The following IQCK variants were observed in gnomAD, a reference collection of about 807,000 sequenced individuals.
IQCK encodes IQ motif containing K.
Under a neutral mutation model 28.1 loss-of-function variants are expected in IQCK, and 29 were observed. The observed-to-expected ratio is 1.03, with a 90% confidence interval of 0.77 to 1.41. The LOEUF (loss-of-function observed/expected upper bound fraction) is 1.41, where lower values mean the gene tolerates loss of function less well. Among genes scored for constraint, IQCK ranks in the 40% most tolerant of loss-of-function variants. The pLI is 0.00. For synonymous variants in IQCK, 113 were observed against 115.1 expected (o/e 0.98, Z 0.12); for missense variants, 359 against 314.7 (o/e 1.14, Z -1.07).
At chr16:19,814,200 A>T (rs1348729649) in intron 7 of IQCK, among the ~76,000 whole-genome samples, 1 of 147,596 alleles carries the variant, frequency 6.8e-6, no homozygotes, top group Non-Finnish European at 1.5e-5. Flanking sequence ...AGCCTGGGCA[A>T]CAAGAGCAAA....
intron 9 of IQCK, among the ~76,000 whole-genome samples, chr16:19,846,698 A>G (rs2056418528): frequency 6.6e-6 from 1 of 152,236 alleles, no homozygotes; most frequent in African/African-American, 2.4e-5. Flanking sequence ...GGTACTGTCA[A>G]GAAATGGAGG....
intron 6 of IQCK, among the ~76,000 whole-genome samples, chr16:19,782,674 T>A (rs1323390915): frequency 6.6e-6 from 1 of 152,098 alleles, no homozygotes; most frequent in African/African-American, 2.4e-5. Context: ...GAATTTTGAT[T>A]CCAAAATTTC....
chr16:19,784,855 G>A (rs2055540882), intron 6 of IQCK, among the ~76,000 whole-genome samples: 1 of 152,180 alleles, frequency 6.6e-6, no homozygotes, highest in Admixed American at 6.5e-5. Flanking sequence ...TGCAACCTCT[G>A]CCTCACAGGT....
intron 7 of IQCK, among the ~76,000 whole-genome samples, chr16:19,805,790 T>C (rs941703709): frequency 6.6e-6 from 1 of 151,420 alleles, no homozygotes; most frequent in Admixed American, 6.6e-5. Context: ...CCATGCCACA[T>C]GGGAGACAGA....
intron 6 of IQCK, among the ~76,000 whole-genome samples, chr16:19,775,292 G>A (rs2055375965): frequency 6.6e-6 from 1 of 151,552 alleles, no homozygotes; most frequent in African/African-American, 2.4e-5. Context: ...TACTCTAGAG[G>A]TAACGCATAA....
At chr16:19,853,818 G>A (rs575676496) in intron 9 of IQCK, among the ~76,000 whole-genome samples, 17 of 152,280 alleles carry the variant, frequency 1.1e-4, no homozygotes, top group African/African-American at 3.6e-4. Context: ...TTAGTAGACA[G>A]GGTTTCACCA....
intron 4 of IQCK, chr16:19,761,315 C>A (rs1216037171): frequency 2.3e-6 from 1 of 436,474 alleles, no homozygotes; most frequent in Non-Finnish European, 4.5e-6. Flanking sequence ...TTCTTTTTTT[C>A]CCTCCTTCAT....
intron 6 of IQCK, among the ~76,000 whole-genome samples, chr16:19,785,605 G>C (rs1460208973): frequency 6.6e-6 from 1 of 152,176 alleles, no homozygotes; most frequent in Non-Finnish European, 1.5e-5. Context: ...ATTGCGGGCC[G>C]AGTCTTTGTT....
chr16:19,773,955 G>A (rs1009048891), intron 6 of IQCK, among the ~76,000 whole-genome samples: 1 of 152,190 alleles, frequency 6.6e-6, no homozygotes, highest in Non-Finnish European at 1.5e-5. Flanking sequence ...CAGAGGGATG[G>A]TAGGGGTCAC....
At chr16:19,718,771 T>C (rs1597487473) in intron 1 of IQCK, among the ~76,000 whole-genome samples, 1 of 152,136 alleles carries the variant, frequency 6.6e-6, no homozygotes, top group Non-Finnish European at 1.5e-5. Flanking sequence ...GACCATTGGT[T>C]CTTAAACCTC....
At chr16:19,721,804 C>G (rs1392558565) in intron 1 of IQCK, among the ~76,000 whole-genome samples, 1 of 152,122 alleles carries the variant, frequency 6.6e-6, no homozygotes. Context: ...TCTCAAACAC[C>G]TGACCTCAAG....
intron 4 of IQCK, among the ~76,000 whole-genome samples, chr16:19,758,285 A>G (rs1402749945): frequency 3.9e-5 from 6 of 152,190 alleles, no homozygotes; most frequent in Admixed American, 3.9e-4. Context: ...CAGCTGAACA[A>G]TATCCCCACT....
At chr16:19,741,353 A>G (rs1439649488) in intron 4 of IQCK, among the ~76,000 whole-genome samples, 1 of 152,194 alleles carries the variant, frequency 6.6e-6, no homozygotes, top group Non-Finnish European at 1.5e-5. Flanking sequence ...GGGCACAAAA[A>G]TCAGCTAAAA....
intron 9 of IQCK, among the ~76,000 whole-genome samples, chr16:19,848,819 G>A (rs2141120774): frequency 6.6e-6 from 1 of 152,280 alleles, no homozygotes; most frequent in South Asian, 2.1e-4. Flanking sequence ...ATGCCAAAGT[G>A]TACCCTTTTA....
chr16:19,828,871 T>A (rs536758021), downstream of IQCK, among the ~76,000 whole-genome samples: 3 of 134,094 alleles, frequency 2.2e-5, no homozygotes, highest in African/African-American at 3.2e-5. Context: ...TATATATATA[T>A]AAATATATAT....
chr16:19,825,213 G>A lies in IQCK; in HGVS notation c.691-1813G>A, dbSNP rs2056131268. ...TAATCATTCCTGCCTTATTGGCTTGGCTTAGTGATTCAAATTTGTAAAATA... is the reference window on the plus strand; with the variant it reads ...TAATCATTCCTGCCTTATTGGCTTGACTTAGTGATTCAAATTTGTAAAATA... On this transcript the variant is annotated intron_variant, in intron 7 of 7. Coordinates refer to ENST00000564186, the Ensembl canonical transcript of IQCK. The surrounding 1 kb of genome is among the most constrained non-coding windows in gnomAD (Gnocchi z 4.2). 6.6e-6 allele frequency among the ~76,000 whole-genome samples: 1 copy of A among 152,070 alleles called. No individual in the cohort carries two copies. Among genetic ancestry groups the A allele is most frequent in the Non-Finnish European group, 1.5e-5 (1 of 68,020 alleles).
chr16:19,760,601 A>G (rs895621862), intron 4 of IQCK, among the ~76,000 whole-genome samples: 2 of 151,938 alleles, frequency 1.3e-5, no homozygotes, highest in African/African-American at 4.8e-5. Flanking sequence ...ATACAATTCA[A>G]CCCTTAACAC....
At chr16:19,810,352 C>T (rs1399220367) in intron 7 of IQCK, among the ~76,000 whole-genome samples, 1 of 151,338 alleles carries the variant, frequency 6.6e-6, no homozygotes, top group African/African-American at 2.4e-5. Context: ...AAAAAATTAG[C>T]CGGGTGTGGT....
At chr16:19,809,443 G>A (rs2055874632) in intron 7 of IQCK, among the ~76,000 whole-genome samples, 1 of 152,106 alleles carries the variant, frequency 6.6e-6, no homozygotes, top group Non-Finnish European at 1.5e-5. Flanking sequence ...CTGCTGGCTG[G>A]GGCACCACAG....
Sources: gnomAD v4.1 joint callset for allele counts (sites outside exome capture counted in the v4.1 genomes callset) on GRCh38, gnomAD v4.1.1 for gene constraint, Gnocchi (gnomAD v3.1) non-coding constraint, MANE v1.5 for transcripts, NCBI Gene and HGNC (gene_info 2026-07-23, HGNC 2026-07-21) for gene names.